The following FAM228B variants were observed in gnomAD, a reference collection of about 807,000 sequenced individuals.
FAM228B encodes the protein protein FAM228B.
Under a neutral mutation model 42.6 loss-of-function variants are expected in FAM228B, and 38 were observed. The ratio of observed to expected loss-of-function variants is 0.89; its 90% CI spans 0.69 to 1.17. FAM228B has a LOEUF of 1.17. FAM228B is among the 50% of genes most tolerant of loss of function. FAM228B has a pLI of 0.00. For synonymous variants in FAM228B, 109 were observed against 122.3 expected (o/e 0.89, Z 0.72); for missense variants, 344 against 367.3 (o/e 0.94, Z 0.52).
chr2:24,161,610 A>G lies in FAM228B; in HGVS notation c.791A>G (p.Tyr264Cys), dbSNP rs1166985311. ...CAGGAAGAAGAAAAAACAGTTATTTACAAGTAAGTCTGTTCTTCCATAGCT... is the reference window on the plus strand; with the variant it reads ...CAGGAAGAAGAAAAAACAGTTATTTGCAAGTAAGTCTGTTCTTCCATAGCT... ...ESQEEEKTVI[Y>C]KNKGSSFLER... The change falls in exon 8 of 11, where the codon TAC becomes TGC. Residue 264 changes from tyrosine (Y) to cysteine (C), a missense_variant. Tyr to Cys is a radical substitution (Grantham distance 194, BLOSUM62 -2). Transcript: ENST00000615575. 2.6e-6 allele frequency: 4 copies of G among 1,509,536 alleles called. No individual in the cohort carries two copies. Among genetic ancestry groups the G allele is most frequent in the South Asian group, 1.2e-5 (1 of 83,122 alleles). The allele number at this position is 1,509,536 out of a possible 1,614,324, so 93.5% of individuals were successfully genotyped here. A position where few individuals can be genotyped will look rare whatever the true frequency, so the allele number is the denominator to read the frequency against.
intron 3 of FAM228B, among the ~76,000 whole-genome samples, chr2:24,110,292 T>TG (rs1665768438): frequency 6.7e-6 from 1 of 150,044 alleles, no homozygotes; most frequent in African/African-American, 2.5e-5. Flanking sequence ...GAGTGGAGGG[T>TG]GGGAGGAGGG....
Position 24,080,901 on chromosome 2 carries a change from T to G in FAM228B, c.-264T>G. ...CAGCTGCTCCAAGCTTTTCTGCCAT[T>G]TGAAGCTTCTTCTGGGAGCCAGCTG... On this transcript the variant is annotated 5_prime_UTR_variant, in exon 2 of 11. Coordinates refer to the FAM228B transcript ENST00000613899. This position sits in a 1 kb window ranked among gnomAD's most constrained non-coding sequence, Gnocchi z 4.7. 6.2e-7 allele frequency: 1 copy of G among 1,614,224 alleles called. No homozygotes were observed.
At chr2:24,114,415 CATCTTGTCTGG>C (rs1665852534) in intron 3 of FAM228B, among the ~76,000 whole-genome samples, 1 of 152,068 alleles carries the variant, frequency 6.6e-6, no homozygotes, top group Non-Finnish European at 1.5e-5. Context: ...TGCTTCCAGA[CATCTTGTCTGG>C]AAGGGTCAGA....
At chr2:24,098,413 G>A (rs1220753975) in intron 3 of FAM228B, among the ~76,000 whole-genome samples, 2 of 151,336 alleles carry the variant, frequency 1.3e-5, no homozygotes, top group African/African-American at 4.9e-5. Flanking sequence ...GAAGAGAGAA[G>A]AATCAAATAG....
In FAM228B at chr2:24,135,187, G is replaced by A. The variant is rs1265782285; in HGVS notation, c.168G>A (p.Lys56=). 2.7e-6 allele frequency: 4 copies of A among 1,463,062 alleles called. No homozygotes were observed. The highest frequency in any genetic ancestry group is 2.8e-5 in the African/African-American group (2 of 70,500). The allele number at this position is 1,463,062 out of a possible 1,614,324, so 90.6% of individuals were successfully genotyped here. The change falls in exon 3 of 11, where the codon AAG becomes AAA. Residue 56 remains lysine (K), a splice_region_variant and synonymous_variant. Transcript: ENST00000615575. ...TATACAAAGAAAATTCTGTAATTAA[G>A]GTAAGAATTGGCTACAAAATGCATC... The part of the protein sequence containing the change: ...SILYKENSVI[K]ELDKYLQHHA...
chr2:24,107,847 A>C (rs1665725658), intron 3 of FAM228B, among the ~76,000 whole-genome samples: 1 of 152,224 alleles, frequency 6.6e-6, no homozygotes, highest in African/African-American at 2.4e-5. Flanking sequence ...TAACAACCTA[A>C]TATTACAACT....
intron 8 of FAM228B, among the ~76,000 whole-genome samples, chr2:24,162,659 G>A (rs1040712218): frequency 1.3e-5 from 2 of 152,160 alleles, no homozygotes; most frequent in African/African-American, 2.4e-5. Flanking sequence ...AGCCAAAAAA[G>A]TGGAAACAAC....
At chr2:24,094,314 T>C (rs1039973687) in intron 2 of FAM228B, among the ~76,000 whole-genome samples, 4 of 152,144 alleles carry the variant, frequency 2.6e-5, no homozygotes, top group African/African-American at 9.7e-5. Flanking sequence ...TTAAGTGATC[T>C]TCCTGCCTCC....
rs544286353 is a variant in FAM228B, at chr2:24,108,884, G to A, written c.-121+13655G>A. Reference sequence around the variant, plus strand: ...CCACTGCATTCCAGCCTGGCTGACAGAGCAAGAGTCCGTCTCAAAAAAAAA... The same window carrying A: ...CCACTGCATTCCAGCCTGGCTGACAAAGCAAGAGTCCGTCTCAAAAAAAAA... On this transcript the variant is annotated intron_variant, in intron 3 of 10. Transcript: ENST00000613899. 3.5e-5 allele frequency among the ~76,000 whole-genome samples: 5 copies of A among 142,882 alleles called. No homozygotes were observed. In the Admixed American group the frequency reaches 3.7e-4, roughly 11 times the overall value. 93.7% of individuals were successfully genotyped at this position (142,882 alleles called of 152,430 possible).
At chr2:24,103,637 C>G (rs1665648935) in intron 3 of FAM228B, among the ~76,000 whole-genome samples, 1 of 152,150 alleles carries the variant, frequency 6.6e-6, no homozygotes. Context: ...AAAAAGGCTC[C>G]CACTAGGCAC....
intron 2 of FAM228B, chr2:24,085,646 A>C (rs904128316): frequency 6.6e-6 from 1 of 152,052 alleles, no homozygotes; most frequent in Non-Finnish European, 1.5e-5. Context: ...CTTACCCCTG[A>C]TGCCTCTTAC....
upstream of FAM228B, among the ~76,000 whole-genome samples, chr2:24,121,753 T>G (rs550723251): frequency 7.9e-5 from 12 of 152,286 alleles, no homozygotes; most frequent in South Asian, 2.5e-3. Context: ...CCAGGAGAGC[T>G]GGCTCTTAGA....
intron 3 of FAM228B, among the ~76,000 whole-genome samples, chr2:24,136,024 G>T (rs1573767014): frequency 2.1e-4 from 9 of 42,992 alleles, no homozygotes; most frequent in Admixed American, 8.6e-4. Context: ...CTCTTTTTCT[G>T]CCATCCCTTC....
At chr2:24,155,504 CATATAT>C (rs1156603467) in intron 7 of FAM228B, among the ~76,000 whole-genome samples, 45 of 35,884 alleles carry the variant, frequency 1.3e-3, no homozygotes, top group Middle Eastern at 0.012. Context: ...GAAGACCATG[CATATAT>C]ATATATATAT....
intron 7 of FAM228B, among the ~76,000 whole-genome samples, chr2:24,154,677 G>A (rs1667093942): frequency 1.3e-5 from 2 of 152,168 alleles, no homozygotes; most frequent in African/African-American, 2.4e-5. Flanking sequence ...TACCAAAGGC[G>A]AAGCAGGTTT....
At chr2:24,101,727 C>T (rs1665611189) in intron 3 of FAM228B, among the ~76,000 whole-genome samples, 1 of 152,064 alleles carries the variant, frequency 6.6e-6, no homozygotes, top group South Asian at 2.1e-4. Context: ...CTTTCGCCCA[C>T]GATGGAGTGC....
At chr2:24,113,066 C>G (rs1039870705) in intron 3 of FAM228B, among the ~76,000 whole-genome samples, 2 of 152,144 alleles carry the variant, frequency 1.3e-5, no homozygotes, top group Non-Finnish European at 2.9e-5. Flanking sequence ...TCATGTGACT[C>G]ATTTACAACT....
At chr2:24,123,393 G>A (rs1666190255), upstream of FAM228B, 2 of 152,222 alleles carry the variant, frequency 1.3e-5, no homozygotes, top group East Asian at 1.9e-4. Flanking sequence ...CGCAAACCAA[G>A]ACCCGCCACC....
At chr2:24,125,023 T>C (rs1666271310) in intron 2 of FAM228B, among the ~76,000 whole-genome samples, 1 of 152,172 alleles carries the variant, frequency 6.6e-6, no homozygotes, top group African/African-American at 2.4e-5. Context: ...TTTTAGATTG[T>C]AGTTTCTTTT....
Sources: gnomAD v4.1 joint callset for allele counts (sites outside exome capture counted in the v4.1 genomes callset) on GRCh38, gnomAD v4.1.1 for gene constraint, Gnocchi (gnomAD v3.1) non-coding constraint, MANE v1.5 for transcripts, NCBI Gene and HGNC (gene_info 2026-07-23, HGNC 2026-07-21) for gene names.